Variants in DOCK5 observed in about 807,000 individuals in gnomAD.
DOCK5 encodes dedicator of cytokinesis protein 5.
DOCK5 carries 142 observed loss-of-function variants against 251.8 expected under a neutral mutation model. That is an observed-to-expected ratio of 0.56 (90% CI 0.49 to 0.65). The LOEUF (loss-of-function observed/expected upper bound fraction) is 0.65. DOCK5 is among the 30% of genes least tolerant of loss of function. DOCK5 has a pLI of 0.00. For missense variants in DOCK5, 2,111 were observed against 2,312.3 expected, an observed-to-expected ratio of 0.91 and a Z score of 1.79; for synonymous variants, 842 against 835.5, an observed-to-expected ratio of 1.01 and a Z score of -0.13.
intron 1 of DOCK5, among the ~76,000 whole-genome samples, chr8:25,190,775 G>GTTTTTTTTTTTCTTTTTTT (rs755511798): frequency 1.9e-5 from 1 of 53,980 alleles, no homozygotes; most frequent in Non-Finnish European, 3.3e-5. Flanking sequence ...CTTGGTCATG[G>GTTTTTTTTTTTCTTTTTTT]GTTTTTTTTT....
chr8:25,316,976 CA>C, intron 13 of DOCK5, 30 bp from the exon 14 acceptor site: 1 of 1,611,706 alleles, frequency 6.2e-7, no homozygotes, highest in South Asian at 1.1e-5. Flanking sequence ...CTTCTCTCAG[CA>C]ACACTCACAG....
In DOCK5 at chr8:25,326,433, A is replaced by C. The variant is rs191350923; in HGVS notation, c.1903+886A>C. 2.1e-3 allele frequency among the ~76,000 whole-genome samples: 325 copies of C among 152,338 alleles called. 2 individuals carry two copies. Among genetic ancestry groups the C allele is most frequent in the Non-Finnish European group, 3.8e-3 (257 of 68,030 alleles). ...TTTGTTTCAACAAGTCGTGGTTGAC[A>C]AAAAGATAAGGATTGTATTTCAACT... On this transcript the variant is annotated intron_variant, in intron 18 of 51. Coordinates refer to ENST00000276440, the MANE Select transcript of DOCK5 (RefSeq NM_024940.8).
chr8:25,348,383 A>G (rs191843857), intron 26 of DOCK5, among the ~76,000 whole-genome samples: 1 of 152,220 alleles, frequency 6.6e-6, no homozygotes, highest in East Asian at 1.9e-4. Context: ...GGATTTTATC[A>G]CTTTGTACAT....
chr8:25,190,746 G>A (rs139882177), intron 1 of DOCK5, among the ~76,000 whole-genome samples: 16 of 145,600 alleles, frequency 1.1e-4, no homozygotes, highest in East Asian at 2.0e-4. Context: ...ATAATGACCC[G>A]AAGAAGGCCT....
chr8:25,323,457 T>C (rs907496259), intron 16 of DOCK5, among the ~76,000 whole-genome samples: 23 of 152,078 alleles, frequency 1.5e-4, no homozygotes, highest in Non-Finnish European at 2.6e-4. Context: ...AGAGATGCGC[T>C]GGGAAGGTCT....
chr8:25,195,212 C>G (rs57549275), intron 1 of DOCK5, among the ~76,000 whole-genome samples: 21,373 of 151,100 alleles, frequency 0.14, 2,462 homozygotes, highest in African/African-American at 0.32. Context: ...TGAGTCACCA[C>G]GCCCAGCTGC....
rs917610188 is a variant in DOCK5, at chr8:25,264,322, A to G, written c.128-4523A>G. Among the ~76,000 whole-genome samples, 4 of 151,758 alleles carry G rather than the reference A, an allele frequency of 2.6e-5. No individual in the cohort carries two copies. In the East Asian group the frequency reaches 7.7e-4, roughly 29 times the overall value. ...GTGGCGGAGGTTGCAGTGAGCCATG[A>G]TTGTGCCACTGCACTCCAGTCTGGG... On this transcript the variant is annotated intron_variant, in intron 2 of 51. Coordinates refer to ENST00000276440, the MANE Select transcript of DOCK5 (RefSeq NM_024940.8).
intron 47 of DOCK5, among the ~76,000 whole-genome samples, chr8:25,402,445 C>T (rs1319674525): frequency 2.6e-5 from 4 of 152,024 alleles, no homozygotes; most frequent in African/African-American, 7.2e-5. Context: ...TACATGTGCC[C>T]GCCACCATGC....
chr8:25,326,139 A>G (rs1161862439), intron 18 of DOCK5, among the ~76,000 whole-genome samples: 2 of 152,146 alleles, frequency 1.3e-5, no homozygotes, highest in Non-Finnish European at 2.9e-5. Context: ...GTGCTAGCCA[A>G]TATCAACTTC....
intron 34 of DOCK5, among the ~76,000 whole-genome samples, 193 bp from the exon 35 acceptor site, chr8:25,372,366 A>G (rs1446769307): frequency 6.6e-6 from 1 of 152,232 alleles, no homozygotes; most frequent in Non-Finnish European, 1.5e-5. Flanking sequence ...GCATAAGTGA[A>G]GGTCACAGGA....
intron 5 of DOCK5, among the ~76,000 whole-genome samples, chr8:25,285,574 C>T (rs1804310515): frequency 6.6e-6 from 1 of 152,142 alleles, no homozygotes; most frequent in Non-Finnish European, 1.5e-5. Flanking sequence ...AGAAAAAGTG[C>T]CTATAACTGG....
intron 1 of DOCK5, among the ~76,000 whole-genome samples, chr8:25,196,385 A>G (rs865937058): frequency 1.3e-5 from 2 of 152,244 alleles, no homozygotes; most frequent in African/African-American, 4.8e-5. Flanking sequence ...TTCATCTGTT[A>G]TTTCCCATTT....
chr8:25,346,347 C>T (rs561311697), intron 26 of DOCK5, among the ~76,000 whole-genome samples: 1 of 152,234 alleles, frequency 6.6e-6, no homozygotes, highest in Non-Finnish European at 1.5e-5. Flanking sequence ...AAAGGCCTTT[C>T]TGTTTTTATG....
At chr8:25,381,154 G>A (rs1193922513) in intron 39 of DOCK5, among the ~76,000 whole-genome samples, 4 of 152,186 alleles carry the variant, frequency 2.6e-5, no homozygotes, top group East Asian at 1.9e-4. Flanking sequence ...CCAGTGGTAG[G>A]CAACCATAAT....
intron 14 of DOCK5, among the ~76,000 whole-genome samples, chr8:25,317,695 C>T (rs981887527): frequency 6.6e-6 from 1 of 152,202 alleles, no homozygotes; most frequent in African/African-American, 2.4e-5. Flanking sequence ...ACTGCAAGCT[C>T]CGCCTCCCGG....
intron 1 of DOCK5, among the ~76,000 whole-genome samples, chr8:25,202,583 G>A (rs939052808): frequency 6.6e-6 from 1 of 152,104 alleles, no homozygotes; most frequent in Non-Finnish European, 1.5e-5. Context: ...TATGTTCCAG[G>A]GTCTTGCTGG....
intron 1 of DOCK5, among the ~76,000 whole-genome samples, chr8:25,195,493 C>A (rs11995076): frequency 1 from 152,231 of 152,238 alleles, 76,112 homozygotes; most frequent in Middle Eastern, 1. Context: ...CATGCCCTCC[C>A]GGCCCTGTGG....
intron 18 of DOCK5, 68 bp downstream of exon 18, chr8:25,325,615 C>A: frequency 6.4e-7 from 1 of 1,570,196 alleles, no homozygotes; most frequent in Non-Finnish European, 8.7e-7. Context: ...CTTGGTTAGG[C>A]TCACAGGGCT....
intron 27 of DOCK5, among the ~76,000 whole-genome samples, chr8:25,358,333 G>A (rs1198573544): frequency 2.0e-5 from 3 of 152,130 alleles, no homozygotes; most frequent in Non-Finnish European, 4.4e-5. Flanking sequence ...ATCAGATCTC[G>A]TGAGAACTCA....
Sources: allele counts gnomAD v4.1 joint callset (sites outside exome capture counted in the v4.1 genomes callset), GRCh38; gene constraint gnomAD v4.1.1; transcripts MANE v1.5; gene names NCBI Gene and HGNC (gene_info 2026-07-23, HGNC 2026-07-21).